Variants in ERC2 observed in about 807,000 individuals in gnomAD.
The protein encoded by ERC2 is ERC protein 2.
Under a neutral mutation model 114.8 loss-of-function variants are expected in ERC2, and 42 were observed. That is an observed-to-expected ratio of 0.37 (90% confidence interval 0.29 to 0.47). The LOEUF (loss-of-function observed/expected upper bound fraction) is 0.47. ERC2 is among the 20% of genes least tolerant of loss of function. ERC2 has a pLI of 0.99. For synonymous variants in ERC2, 454 were observed against 425.5 expected (o/e 1.07, Z -0.82); for missense variants, 939 against 1,150.7 (o/e 0.82, Z 2.66).
At chr3:55,899,330 C>G (rs2064002884) in intron 13 of ERC2, among the ~76,000 whole-genome samples, 1 of 151,982 alleles carries the variant, frequency 6.6e-6, no homozygotes, top group Admixed American at 6.6e-5. Flanking sequence ...CGAATTTACT[C>G]TAAGGATATA....
chr3:55,809,084 A>C (rs1288967761), intron 14 of ERC2, among the ~76,000 whole-genome samples: 1 of 152,130 alleles, frequency 6.6e-6, no homozygotes, highest in African/African-American at 2.4e-5. Flanking sequence ...TTCAGAAATA[A>C]GATGGAAAAG....
intron 15 of ERC2, among the ~76,000 whole-genome samples, chr3:55,734,001 G>T (rs185418332): frequency 3.9e-5 from 6 of 152,324 alleles, no homozygotes; most frequent in Admixed American, 2.6e-4. Context: ...ATGAGGAGGA[G>T]AAATATCATC....
intron 14 of ERC2, among the ~76,000 whole-genome samples, chr3:55,811,398 AT>A (rs1387153722): frequency 2.0e-5 from 3 of 152,140 alleles, no homozygotes; most frequent in Admixed American, 6.5e-5. Context: ...GGCAGGCGTT[AT>A]TTTTTTCCAT....
intron 17 of ERC2, among the ~76,000 whole-genome samples, chr3:55,669,455 T>C (rs2061474107): frequency 6.6e-6 from 1 of 152,228 alleles, no homozygotes; most frequent in African/African-American, 2.4e-5. Flanking sequence ...TAAGTAACTA[T>C]TCTGGCTCGG....
Position 55,675,903 on chromosome 3 carries a change from CTTTTTTTTTTTTTTTTTTTTTTT to C in ERC2, c.*39+7868_*39+7890del, listed in dbSNP as rs869296098. Among the ~76,000 whole-genome samples the C allele has an allele frequency of 6.3e-5, 3 of 47,994 alleles. 1 individual carries two copies. The highest frequency in any genetic ancestry group is 2.8e-4 in the African/African-American group (3 of 10,546). 31.5% of individuals were successfully genotyped at this position (47,994 alleles called of 152,430 possible). On this transcript the variant is annotated intron_variant, in intron 17 of 17. Transcript: ENST00000288221. Reference sequence around the variant, plus strand: ...TTCCATCTTTCTTTCTCTTTTCTTTCTTTTTTTTTTTTTTTTTTTTTTTTTTTTTTTTTTGAGAGAGAGTTTCG... The same window carrying C: ...TTCCATCTTTCTTTCTCTTTTCTTTCTTTTTTTTTTTGAGAGAGAGTTTCG...
At chr3:55,754,770 G>A (rs1416179572) in intron 14 of ERC2, among the ~76,000 whole-genome samples, 1 of 151,714 alleles carries the variant, frequency 6.6e-6, no homozygotes, top group Non-Finnish European at 1.5e-5. Flanking sequence ...GAGATTCTTA[G>A]GTTTTTCTAT....
At chr3:55,579,386 G>T (rs2057144454) in intron 17 of ERC2, among the ~76,000 whole-genome samples, 1 of 152,108 alleles carries the variant, frequency 6.6e-6, no homozygotes, top group South Asian at 2.1e-4. Flanking sequence ...TTGTATTCTG[G>T]GTTAGACAAG....
intron 7 of ERC2, among the ~76,000 whole-genome samples, chr3:56,040,971 T>G (rs1013803887): frequency 6.6e-6 from 1 of 152,044 alleles, no homozygotes; most frequent in Admixed American, 6.5e-5. Context: ...AGTGAGGTTT[T>G]CCACTTCTTA....
At chr3:55,924,413 C>T (rs1251469753) in intron 13 of ERC2, among the ~76,000 whole-genome samples, 1 of 152,092 alleles carries the variant, frequency 6.6e-6, no homozygotes, top group Non-Finnish European at 1.5e-5. Context: ...CCAGGTTTGG[C>T]CCACAGACCA....
intron 2 of ERC2, among the ~76,000 whole-genome samples, chr3:56,417,714 G>T (rs1350065231): frequency 6.6e-6 from 1 of 152,180 alleles, no homozygotes; most frequent in Non-Finnish European, 1.5e-5. Flanking sequence ...CAAAGCTGGT[G>T]CTCTCGACCA....
At chr3:56,250,151 C>A (rs928330997) in intron 3 of ERC2, among the ~76,000 whole-genome samples, 2 of 152,306 alleles carry the variant, frequency 1.3e-5, no homozygotes, top group South Asian at 4.2e-4. Flanking sequence ...CCACCACGCC[C>A]GGCCATCAAA....
At chr3:56,049,841 TGTGTGTGTGTGTG>T (rs1341687906) in intron 7 of ERC2, among the ~76,000 whole-genome samples, 9 of 151,246 alleles carry the variant, frequency 6.0e-5, no homozygotes, top group African/African-American at 1.9e-4. Flanking sequence ...TGTGTGTGTG[TGTGTGTGTGTGTG>T]TGTGTGTATC....
chr3:56,305,512 C>CACACACACACACACACA (rs2056162094), intron 2 of ERC2, among the ~76,000 whole-genome samples: 1 of 144,338 alleles, frequency 6.9e-6, no homozygotes, highest in African/African-American at 2.6e-5. Flanking sequence ...ACTCTCTTAT[C>CACACACACACACACACA]CACACACACA....
chr3:55,834,351 C>T (rs1239021986), intron 14 of ERC2, among the ~76,000 whole-genome samples: 9 of 151,868 alleles, frequency 5.9e-5, no homozygotes, highest in South Asian at 2.1e-4. Flanking sequence ...ATTGACCACA[C>T]AGTTGGAAGT....
At chr3:55,705,765 G>A (rs1034227635) in intron 15 of ERC2, among the ~76,000 whole-genome samples, 1 of 152,106 alleles carries the variant, frequency 6.6e-6, no homozygotes, top group Non-Finnish European at 1.5e-5. Flanking sequence ...TTTGTTAAAG[G>A]TGGCTCTCTC....
intron 14 of ERC2, among the ~76,000 whole-genome samples, chr3:55,842,677 C>T (rs1016913047): frequency 2.0e-5 from 3 of 151,652 alleles, no homozygotes; most frequent in African/African-American, 7.3e-5. Context: ...CAGAACCATC[C>T]CATTACCTCA....
At chr3:56,245,795 C>T (rs544861789) in intron 3 of ERC2, among the ~76,000 whole-genome samples, 1 of 152,170 alleles carries the variant, frequency 6.6e-6, no homozygotes, top group African/African-American at 2.4e-5. Flanking sequence ...CCCAACTCGG[C>T]CTCCTAAAGT....
intron 6 of ERC2, among the ~76,000 whole-genome samples, chr3:56,137,952 C>T (rs539295877): frequency 6.6e-5 from 10 of 151,956 alleles, no homozygotes; most frequent in Non-Finnish European, 1.0e-4. Flanking sequence ...TAGAAGCCAA[C>T]TTCCAATTTA....
At chr3:55,725,580 TG>T (rs895326775) in intron 15 of ERC2, among the ~76,000 whole-genome samples, 1 of 152,180 alleles carries the variant, frequency 6.6e-6, no homozygotes, top group African/African-American at 2.4e-5. Context: ...CTAGTAGAGA[TG>T]ATAAAACTCC....
Sources: allele counts gnomAD v4.1 joint callset (sites outside exome capture counted in the v4.1 genomes callset), GRCh38; gene constraint gnomAD v4.1.1; transcripts MANE v1.5; gene names NCBI Gene and HGNC (gene_info 2026-07-23, HGNC 2026-07-21).